Variants in SLC6A12 observed in about 807,000 individuals in gnomAD.
The protein encoded by SLC6A12 is sodium- and chloride-dependent betaine transporter.
SLC6A12 carries 50 observed loss-of-function variants against 73.3 expected under a neutral mutation model. That is an observed-to-expected ratio of 0.68 (90% CI 0.54 to 0.86). The LOEUF is 0.86. Ranked by LOEUF, SLC6A12 falls within the 40% of genes least tolerant of loss-of-function variation. The pLI, the probability that SLC6A12 is intolerant of heterozygous loss-of-function variation, is 0.00. For missense variants in SLC6A12, 648 were observed against 772.8 expected (o/e 0.84, Z 1.92); for synonymous variants, 304 against 309.2 (o/e 0.98, Z 0.18).
downstream of SLC6A12, among the ~76,000 whole-genome samples, chr12:185,248 T>C (rs143188220): frequency 3.3e-3 from 507 of 152,344 alleles, 2 homozygotes; most frequent in African/African-American, 1.0e-2. Context: ...CCCCACCCGC[T>C]GTCATGGCTA....
At chr12:202,244 G>T (rs997194326) in intron 5 of SLC6A12, among the ~76,000 whole-genome samples, 3 of 152,042 alleles carry the variant, frequency 2.0e-5, no homozygotes, top group African/African-American at 7.2e-5. Context: ...CCCCATGCTG[G>T]GCTCTCTCTC....
At chr12:193,167 G>T in intron 14 of SLC6A12, 110 bp downstream of exon 14, 1 of 780,498 alleles carries the variant, frequency 1.3e-6, no homozygotes, top group Non-Finnish European at 2.3e-6. Flanking sequence ...CAGGCCCCAC[G>T]GGAGACTGGA....
At chr12:210,837 C>T (rs910579768) in intron 2 of SLC6A12, among the ~76,000 whole-genome samples, 2 of 152,220 alleles carry the variant, frequency 1.3e-5, no homozygotes, top group Non-Finnish European at 2.9e-5. Context: ...CTGCCCCTCT[C>T]AGCAGGTCAC....
chr12:193,434 G>T, intron 13 of SLC6A12, 57 bp from the exon 14 acceptor site: 3 of 1,378,570 alleles, frequency 2.2e-6, no homozygotes, highest in Non-Finnish European at 3.1e-6. Context: ...CAGCTTCCCG[G>T]TGTTTGGGAA....
At position 200,797 on chromosome 12, in the gene SLC6A12, A is replaced by G; in HGVS notation, c.579-14T>C. On this transcript the variant is annotated splice_polypyrimidine_tract_variant and intron_variant, in intron 6 of 15. Coordinates refer to ENST00000684302, the MANE Select transcript of SLC6A12 (RefSeq NM_001122848.3). The stretch of plus-strand genomic sequence containing the variant: ...AGAACTCGTCTCCTGGAGGATTGGG[A>G]AAAATAAGTAATGAGGGGAAAGGCT... The G allele has an allele frequency of 6.2e-7, 1 of 1,611,388 alleles. No homozygotes were observed. Among genetic ancestry groups the G allele is most frequent in the Non-Finnish European group, 8.5e-7 (1 of 1,179,208 alleles).
rs770090752 is a variant in SLC6A12 at position 200,148 on chromosome 12, G to T, written c.711+503C>A. Among the ~76,000 whole-genome samples the T allele has an allele frequency of 2.3e-5, 3 of 127,990 alleles. No individual in the cohort carries two copies. The Admixed American group carries it at 3.0e-4, about 13-fold the overall frequency. 84.0% of individuals were successfully genotyped at this position (127,990 alleles called of 152,430 possible). On this transcript the variant is annotated intron_variant, in intron 7 of 15. Transcript: ENST00000684302. ...TTTTTTGAGACGGAGTCTGGCTGTC[G>T]CCCAGGCTGGAGTGCAGTGGCGCTA...
At chr12:187,361 C>T (rs535941179), downstream of SLC6A12, among the ~76,000 whole-genome samples, 8 of 151,954 alleles carry the variant, frequency 5.3e-5, no homozygotes, top group South Asian at 2.1e-4. Flanking sequence ...GAGTTTTTTC[C>T]TTCTGGTAGG....
intron 7 of SLC6A12, 116 bp downstream of exon 7, chr12:200,535 G>C: frequency 8.5e-7 from 1 of 1,175,448 alleles, no homozygotes; most frequent in Non-Finnish European, 1.2e-6. Flanking sequence ...CCCCTGCCCT[G>C]CTCAGGAAGT....
At chr12:211,762 C>T (rs144620842) in intron 2 of SLC6A12, among the ~76,000 whole-genome samples, 63 of 152,332 alleles carry the variant, frequency 4.1e-4, no homozygotes, top group Non-Finnish European at 6.5e-4. Flanking sequence ...CATGAAAATG[C>T]ACCAGATAGG....
Position 191,185 on chromosome 12 carries a change from G to A in SLC6A12, c.1728C>T (p.Asp576=). The A allele has an allele frequency of 7.7e-7, 1 of 1,294,118 alleles. No homozygotes were observed. The highest frequency in any genetic ancestry group is 2.9e-5 in the South Asian group (1 of 34,190). 80.2% of individuals were successfully genotyped at this position (1,294,118 alleles called of 1,614,324 possible). The change falls in exon 16 of 16, where the codon GAC becomes GAT. Residue 576 remains aspartate (D), a synonymous_variant. Coordinates refer to ENST00000684302, the MANE Select transcript of SLC6A12 (RefSeq NM_001122848.3). ...RKRLRQLITP[D]SSLPQPKQHP... ...GTTGCTTGGGCTGTGGCAGACTGGA[G>A]TCAGGGGTGATGAGCTGACGCAGAC...
chr12:200,378 G>A (rs548138917), intron 7 of SLC6A12, among the ~76,000 whole-genome samples: 1 of 152,246 alleles, frequency 6.6e-6, no homozygotes, highest in East Asian at 1.9e-4. Context: ...AAAGTGCTGG[G>A]ATTACAGGCG....
chr12:198,911 C>G lies in SLC6A12; in HGVS notation c.732G>C (p.Thr244=). 6.2e-7 allele frequency: 1 copy of G among 1,614,128 alleles called. No individual in the cohort carries two copies. Among genetic ancestry groups the G allele is most frequent in the African/African-American group, 1.3e-5 (1 of 75,022 alleles). The change falls in exon 8 of 16, where the codon ACG becomes ACC. Residue 244 remains threonine, a synonymous_variant. Transcript: ENST00000684302. The surrounding 1 kb of genome is among the most constrained non-coding windows in gnomAD (Gnocchi z 4.0). ...STGKVVYFTA[T]FPYLMLVILL... ...AAATGACAAGCATCAGGTACGGAAA[C>G]GTGGCTGTGAAATAAACCACCTGGA...
chr12:205,049 G>T, intron 3 of SLC6A12: 1 of 220,766 alleles, frequency 4.5e-6, no homozygotes, highest in Non-Finnish European at 9.1e-6. Context: ...TGTATAACTT[G>T]ATATGCTTAT....
chr12:213,560 T>C lies in SLC6A12; in HGVS notation c.-143+362A>G, dbSNP rs7312189. 0.1 allele frequency: 15,332 copies of C among 152,566 alleles called. 1,424 individuals are homozygous for C. Among genetic ancestry groups the C allele is most frequent in the African/African-American group, 0.24 (10,004 of 41,490 alleles). 9.5% of individuals were successfully genotyped at this position (152,566 alleles called of 1,614,324 possible). A position where few individuals can be genotyped will look rare whatever the true frequency, so the allele number is the denominator to read the frequency against. On this transcript the variant is annotated intron_variant, in intron 1 of 15. Transcript: ENST00000684302. This position sits in a 1 kb window ranked among gnomAD's most constrained non-coding sequence, Gnocchi z 5.3. ...GGGCCCTCGGGAATGCCCCGAGGTTTCTCCTGTCCACTTCTCCTTCCACCT... is the reference window on the plus strand; with the variant it reads ...GGGCCCTCGGGAATGCCCCGAGGTTCCTCCTGTCCACTTCTCCTTCCACCT...
Position 198,293 on chromosome 12 carries a change from G to T in SLC6A12, c.847-290C>A, listed in dbSNP as rs922392532. Among the ~76,000 whole-genome samples, 1 of 152,204 alleles carries T rather than the reference G, an allele frequency of 6.6e-6. No homozygotes were observed. Among genetic ancestry groups the T allele is most frequent in the Non-Finnish European group, 1.5e-5 (1 of 68,038 alleles). On this transcript the variant is annotated intron_variant, in intron 8 of 15. Transcript: ENST00000684302. This position sits in a 1 kb window ranked among gnomAD's most constrained non-coding sequence, Gnocchi z 4.0. ...TCTACAAACCATGGCTGCACCCAAG[G>T]CCTATCTGCAGGGCACAGCCAGAAG...
downstream of SLC6A12, among the ~76,000 whole-genome samples, chr12:187,123 T>C (rs1362277686): frequency 7.9e-5 from 12 of 152,180 alleles, no homozygotes; most frequent in Non-Finnish European, 1.8e-4. Context: ...GCTGCAAAAA[T>C]CAATTTTTTC....
At chr12:205,595 G>A (rs1303641845) in intron 3 of SLC6A12, among the ~76,000 whole-genome samples, 3 of 152,194 alleles carry the variant, frequency 2.0e-5, no homozygotes, top group African/African-American at 7.2e-5. Context: ...CTAGTCCTGA[G>A]GCTGAGCTCA....
chr12:200,681 G>A lies in SLC6A12; in HGVS notation c.681C>T (p.Cys227=). The change falls in exon 7 of 16, where the codon TGC becomes TGT. Residue 227 remains cysteine (C), a synonymous_variant. Coordinates refer to ENST00000684302, the MANE Select transcript of SLC6A12 (RefSeq NM_001122848.3). The part of the protein sequence containing the change: ...LLLAWVICYF[C]IWKGVKSTGK... ...CTGTGGACTTGACCCCCTTCCAGAT[G>A]CAGAAATAGCAGATGACCCAGGCGA... The A allele has an allele frequency of 1.2e-6, 2 of 1,614,134 alleles. No individual in the cohort carries two copies. Among genetic ancestry groups the A allele is most frequent in the Non-Finnish European group, 1.7e-6 (2 of 1,180,026 alleles).
In SLC6A12 at chr12:200,651, C is replaced by G; in HGVS notation, c.711G>C (p.Lys237Asn). ...CTTCCCAGGAGGCAGGACATCTCACCTTGCCTGTGGACTTGACCCCCTTCC... is the reference window on the plus strand; with the variant it reads ...CTTCCCAGGAGGCAGGACATCTCACGTTGCCTGTGGACTTGACCCCCTTCC... ...CIWKGVKSTG[K>N]VVYFTATFPY... The change falls in exon 7 of 16, where the codon AAG becomes AAC. Residue 237 changes from lysine to asparagine, a missense_variant and splice_region_variant. By Grantham distance (94) the Lys-to-Asn change is moderately conservative (BLOSUM62 0). Transcript: ENST00000684302. The G allele has an allele frequency of 6.8e-6, 11 of 1,613,902 alleles. No homozygotes were observed. Among genetic ancestry groups the G allele is most frequent in the Non-Finnish European group, 9.3e-6 (11 of 1,179,890 alleles).
Sources: allele counts gnomAD v4.1 joint callset (sites outside exome capture counted in the v4.1 genomes callset), GRCh38; gene constraint gnomAD v4.1.1; non-coding constraint Gnocchi (gnomAD v3.1); transcripts MANE v1.5; gene names NCBI Gene and HGNC (gene_info 2026-07-23, HGNC 2026-07-21).